The following ARHGAP26 variants were observed in gnomAD, a reference collection of about 807,000 sequenced individuals.
The protein encoded by ARHGAP26 is Rho GTPase activating protein 26.
In ARHGAP26, 38 loss-of-function variants were observed where a neutral mutation model predicts 104.8. That is an observed-to-expected ratio of 0.36 (90% confidence interval 0.28 to 0.48). The LOEUF (loss-of-function observed/expected upper bound fraction) is 0.48. Ranked by LOEUF, ARHGAP26 falls within the 20% of genes least tolerant of loss-of-function variation. The pLI is 0.99. For synonymous variants in ARHGAP26, 341 were observed against 340.0 expected (o/e 1.00, Z -0.03); for missense variants, 704 against 947.9 (o/e 0.74, Z 3.38).
intron 17 of ARHGAP26, among the ~76,000 whole-genome samples, chr5:143,094,137 G>A (rs934788326): frequency 1.3e-5 from 2 of 152,154 alleles, no homozygotes; most frequent in Non-Finnish European, 2.9e-5. Flanking sequence ...CCCTAATCCC[G>A]ACTAAGGAAT....
Position 143,214,082 on chromosome 5 carries a change from G to T in ARHGAP26, c.2185G>T (p.Asp729Tyr). 2.2e-6 allele frequency: 3 copies of T among 1,351,678 alleles called. No homozygotes were observed. The highest frequency in any genetic ancestry group is 2.4e-5 in the South Asian group (2 of 83,068). The allele number at this position is 1,351,678 out of a possible 1,614,324, so 83.7% of individuals were successfully genotyped here. Residue 729 changes from aspartate (D) to tyrosine (Y), a missense_variant, in exon 22 of 23, where the codon GAT (aspartate) becomes TAT (tyrosine). By Grantham distance (160) the Asp-to-Tyr change is radical. This residue lies in a region of ARHGAP26 where 217 missense variants were observed against 242.6 expected (regional missense o/e 0.89). Coordinates refer to ENST00000645722, the MANE Select transcript of ARHGAP26 (RefSeq NM_001135608.3). ...TTCGTTCACAGCAGGCACGGTCTTC[G>T]ATAACGGTGAGTTTCTCATCCCCTC... is the stretch of plus-strand genomic sequence containing the variant. ...ELSFTAGTVFDNVHPSQEPGW... is the reference protein window; with the variant it reads ...ELSFTAGTVFYNVHPSQEPGW...
At chr5:142,956,443 G>A (rs1769250404) in intron 11 of ARHGAP26, among the ~76,000 whole-genome samples, 1 of 152,064 alleles carries the variant, frequency 6.6e-6, no homozygotes, top group Admixed American at 6.6e-5. Context: ...CAAGTGTGGT[G>A]GTCCATGCCT....
intron 5 of ARHGAP26, among the ~76,000 whole-genome samples, chr5:142,890,534 G>C (rs1192338545): frequency 6.6e-6 from 1 of 151,894 alleles, no homozygotes; most frequent in Non-Finnish European, 1.5e-5. Flanking sequence ...GGGACCATGA[G>C]ACCATCTGAT....
At chr5:142,836,330 G>A (rs551417718) in intron 1 of ARHGAP26, among the ~76,000 whole-genome samples, 1 of 152,300 alleles carries the variant, frequency 6.6e-6, no homozygotes, top group South Asian at 2.1e-4. Context: ...CCCCGGTGAT[G>A]AACCAGTCAT....
chr5:142,865,347 ACT>A (rs1411611072), intron 1 of ARHGAP26, among the ~76,000 whole-genome samples: 2 of 152,038 alleles, frequency 1.3e-5, no homozygotes, highest in African/African-American at 4.8e-5. Flanking sequence ...CTTTCACTTA[ACT>A]CTCAATGTTC....
chr5:142,813,102 T>C (rs1445951403), intron 1 of ARHGAP26, among the ~76,000 whole-genome samples: 3 of 152,074 alleles, frequency 2.0e-5, no homozygotes, highest in African/African-American at 7.2e-5. Context: ...CATGCCCGGC[T>C]AACTTTTTTT....
intron 11 of ARHGAP26, among the ~76,000 whole-genome samples, chr5:142,994,481 T>C (rs1776096319): frequency 6.6e-6 from 1 of 152,144 alleles, no homozygotes; most frequent in African/African-American, 2.4e-5. Context: ...GCAGAAGTGA[T>C]TTCAGAGCTG....
At chr5:143,012,576 T>TACATATATATATATATA (rs1554195628) in intron 11 of ARHGAP26, among the ~76,000 whole-genome samples, 2 of 57,026 alleles carry the variant, frequency 3.5e-5, no homozygotes, top group Non-Finnish European at 5.2e-5. Context: ...TATATATATA[T>TACATATATATATATATA]TATGATCAGG....
intron 1 of ARHGAP26, among the ~76,000 whole-genome samples, chr5:142,865,387 T>A (rs1754078717): frequency 6.6e-6 from 1 of 152,192 alleles, no homozygotes; most frequent in South Asian, 2.1e-4. Flanking sequence ...TACAGCACTT[T>A]GGAAATACAT....
intron 11 of ARHGAP26, among the ~76,000 whole-genome samples, chr5:142,978,525 T>A (rs1167558529): frequency 6.6e-6 from 1 of 152,094 alleles, no homozygotes; most frequent in Non-Finnish European, 1.5e-5. Context: ...ACAACCTGGG[T>A]TGAATTTAGG....
At chr5:143,054,365 G>A in intron 14 of ARHGAP26, 74 bp from the exon 15 acceptor site, 2 of 937,350 alleles carry the variant, frequency 2.1e-6, no homozygotes, top group Non-Finnish European at 3.1e-6. Context: ...AGCAAGATTG[G>A]ATGCCTTTAT....
intron 12 of ARHGAP26, among the ~76,000 whole-genome samples, chr5:143,027,542 C>T (rs78444006): frequency 0.19 from 28,763 of 151,706 alleles, 3,208 homozygotes; most frequent in South Asian, 0.33. Flanking sequence ...TGGTTTTAAA[C>T]CAATTCATCC....
chr5:142,915,996 C>G (rs1037513793), intron 10 of ARHGAP26, among the ~76,000 whole-genome samples: 2 of 152,176 alleles, frequency 1.3e-5, no homozygotes, highest in African/African-American at 4.8e-5. Context: ...CTGCCTTCCA[C>G]AGGTTCCCCA....
chr5:143,158,804 T>A (rs1800826245), intron 20 of ARHGAP26, among the ~76,000 whole-genome samples: 1 of 152,220 alleles, frequency 6.6e-6, no homozygotes, highest in African/African-American at 2.4e-5. Context: ...CATTACAGAC[T>A]ACCCTATTAC....
At chr5:142,887,964 C>G (rs1562019220) in intron 5 of ARHGAP26, among the ~76,000 whole-genome samples, 1 of 150,990 alleles carries the variant, frequency 6.6e-6, no homozygotes, top group Non-Finnish European at 1.5e-5. Flanking sequence ...GACTCTTTCT[C>G]AAAAAAAACC....
intron 11 of ARHGAP26, among the ~76,000 whole-genome samples, chr5:142,966,873 A>G (rs1243720384): frequency 6.6e-6 from 1 of 152,262 alleles, no homozygotes; most frequent in African/African-American, 2.4e-5. Flanking sequence ...ATGGTATGAC[A>G]ACCCTCTGAA....
chr5:142,855,812 C>A (rs1338021193), intron 1 of ARHGAP26, among the ~76,000 whole-genome samples: 1 of 152,220 alleles, frequency 6.6e-6, no homozygotes, highest in East Asian at 1.9e-4. Context: ...GACTTATATA[C>A]TCTCACTTGT....
chr5:142,963,353 ATATT>A (rs1239191230), intron 11 of ARHGAP26, among the ~76,000 whole-genome samples: 7 of 151,626 alleles, frequency 4.6e-5, no homozygotes, highest in Admixed American at 4.6e-4. Context: ...AGAATGATAT[ATATT>A]CTTTTGGGTG....
At chr5:142,821,684 C>G (rs1170109564) in intron 1 of ARHGAP26, among the ~76,000 whole-genome samples, 1 of 152,188 alleles carries the variant, frequency 6.6e-6, no homozygotes, top group Non-Finnish European at 1.5e-5. Context: ...TTTATCTACA[C>G]ATTAAAATTT....
Sources: allele counts gnomAD v4.1 joint callset (sites outside exome capture counted in the v4.1 genomes callset), GRCh38; gene constraint gnomAD v4.1.1; regional missense constraint gnomAD v4.1.1; transcripts MANE v1.5; gene names NCBI Gene and HGNC (gene_info 2026-07-23, HGNC 2026-07-21).